Variants in DSCAML1 observed in about 807,000 individuals in gnomAD.
DSCAML1 encodes the protein DS cell adhesion molecule like 1, also known as cell adhesion molecule DSCAML1.
Under a neutral mutation model 200.5 loss-of-function variants are expected in DSCAML1, and 38 were observed. The observed-to-expected ratio is 0.19, with a 90% CI of 0.15 to 0.25. The LOEUF is 0.25. DSCAML1 is among the 10% of genes least tolerant of loss of function. The probability of loss-of-function intolerance (pLI) is 1.00; values close to 1 mark genes in which losing one functional copy is unlikely to be tolerated. For missense variants in DSCAML1, 2,223 were observed against 2,858.8 expected (o/e 0.78, Z 5.07); for synonymous variants, 1,215 against 1,165.0 (o/e 1.04, Z -0.87).
At chr11:117,471,394 A>G (rs2048682638) in intron 15 of DSCAML1, among the ~76,000 whole-genome samples, 1 of 151,728 alleles carries the variant, frequency 6.6e-6, no homozygotes, top group Non-Finnish European at 1.5e-5. Context: ...CTGGTCTCGT[A>G]CTCCTGACCT....
chr11:117,780,710 G>A lies in DSCAML1; in HGVS notation c.147C>T (p.Ala49=), dbSNP rs1237768281. The A allele has an allele frequency of 2.5e-6, 4 of 1,579,532 alleles. No homozygotes were observed. Among genetic ancestry groups the A allele is most frequent in the Non-Finnish European group, 3.4e-6 (4 of 1,161,760 alleles). Residue 49 remains alanine (A), a synonymous_variant, in exon 2 of 33, where the codon GCC becomes GCT. Transcript: ENST00000651296. This position sits in a 1 kb window ranked among gnomAD's most constrained non-coding sequence, Gnocchi z 4.8. ...SSVGVVVPCP[A]AGSPSAALRW... is the part of the protein sequence containing the mutation. The stretch of plus-strand genomic sequence containing the variant: ...GAAGGGCCGCGCTGGGGGAGCCCGC[G>A]GCCGGGCAGGGCACCACCACCCCCA...
Position 117,428,177 on chromosome 11 carries a change from A to G in DSCAML1, c.*151T>C, listed in dbSNP as rs2047697480. 1 of 597,062 alleles carries G rather than the reference A, an allele frequency of 1.7e-6. No individual in the cohort carries two copies. The highest frequency in any genetic ancestry group is 3.0e-6 in the Non-Finnish European group (1 of 332,774). The allele number at this position is 597,062 out of a possible 1,614,324, so 37.0% of individuals were successfully genotyped here. On this transcript the variant is annotated 3_prime_UTR_variant, in exon 33 of 33. Transcript: ENST00000651296. Reference sequence around the variant, plus strand: ...AGTTTCATTTGTACAAAAGAGTTCTATGTACAGGCGTTCATGATTGGGGGT... The same window carrying G: ...AGTTTCATTTGTACAAAAGAGTTCTGTGTACAGGCGTTCATGATTGGGGGT...
intron 1 of DSCAML1, among the ~76,000 whole-genome samples, chr11:117,816,577 A>G (rs1343973214): frequency 1.3e-5 from 2 of 152,300 alleles, no homozygotes; most frequent in East Asian, 1.9e-4. Context: ...CCTGCCGAGC[A>G]GAGCGGAGGG....
At chr11:117,618,331 A>G (rs1012012439) in intron 3 of DSCAML1, among the ~76,000 whole-genome samples, 1 of 152,248 alleles carries the variant, frequency 6.6e-6, no homozygotes, top group Non-Finnish European at 1.5e-5. Context: ...AGCTTTAATT[A>G]TAAGAAAAGT....
At chr11:117,587,258 C>CCCA (rs200353768) in intron 3 of DSCAML1, among the ~76,000 whole-genome samples, 1 of 147,686 alleles carries the variant, frequency 6.8e-6, no homozygotes, top group Non-Finnish European at 1.5e-5. Flanking sequence ...TTCCAACCCC[C>CCCA]CCCCACGATT....
chr11:117,805,961 C>G (rs2055704421), intron 1 of DSCAML1, among the ~76,000 whole-genome samples: 1 of 152,218 alleles, frequency 6.6e-6, no homozygotes, highest in Non-Finnish European at 1.5e-5. Flanking sequence ...TCCCAGGTCA[C>G]ATGGCAGAGT....
At chr11:117,676,530 AG>A (rs1182645196) in intron 3 of DSCAML1, among the ~76,000 whole-genome samples, 4 of 152,184 alleles carry the variant, frequency 2.6e-5, no homozygotes, top group African/African-American at 9.7e-5. Flanking sequence ...CAAAGGGTCC[AG>A]GGGGGTTCCA....
At chr11:117,478,865 C>A (rs948824474) in intron 14 of DSCAML1, among the ~76,000 whole-genome samples, 1 of 152,204 alleles carries the variant, frequency 6.6e-6, no homozygotes, top group Non-Finnish European at 1.5e-5. Flanking sequence ...TGGACAACCC[C>A]TGTTGGCTGA....
chr11:117,429,967 G>A (rs2047751916), intron 32 of DSCAML1, among the ~76,000 whole-genome samples: 1 of 152,234 alleles, frequency 6.6e-6, no homozygotes, highest in African/African-American at 2.4e-5. Flanking sequence ...AGTCTCCACA[G>A]TCTTTCCATT....
intron 1 of DSCAML1, among the ~76,000 whole-genome samples, chr11:117,796,433 GT>G (rs1382787638): frequency 6.6e-6 from 1 of 152,262 alleles, no homozygotes; most frequent in Non-Finnish European, 1.5e-5. Flanking sequence ...TGACCTCTGG[GT>G]TTGGAGAACA....
intron 3 of DSCAML1, among the ~76,000 whole-genome samples, chr11:117,720,128 A>G (rs1195166905): frequency 6.6e-6 from 1 of 152,060 alleles, no homozygotes; most frequent in Non-Finnish European, 1.5e-5. Flanking sequence ...CCGAGTCAGC[A>G]CTGGCATGCC....
At chr11:117,586,816 T>G (rs1400928143) in intron 3 of DSCAML1, among the ~76,000 whole-genome samples, 1 of 152,208 alleles carries the variant, frequency 6.6e-6, no homozygotes, top group African/African-American at 2.4e-5. Context: ...GAAGAACCAC[T>G]TCTCTCCCAG....
At chr11:117,629,385 C>T (rs1382370902) in intron 3 of DSCAML1, among the ~76,000 whole-genome samples, 5 of 152,210 alleles carry the variant, frequency 3.3e-5, no homozygotes, top group East Asian at 1.9e-4. Context: ...TGGGAGGCCA[C>T]GGAAGCTGAT....
rs1239548443 is a variant in DSCAML1, at chr11:117,437,156, T to C, written c.4686A>G (p.Glu1562=). The change falls in exon 26 of 33, where the codon GAA becomes GAG. Residue 1562 remains glutamate, a synonymous_variant. Transcript: ENST00000651296. This position sits in a 1 kb window ranked among gnomAD's most constrained non-coding sequence, Gnocchi z 5.3. ...AGTCCAGGGTGGCGAACTGGGCTGT[T>C]TCATTGCCGCAGCCCGCACTGTTGC... The part of the protein sequence containing the change: ...RACNSAGCGN[E]TAQFATLDYD... The C allele has an allele frequency of 1.9e-6, 3 of 1,614,080 alleles. No individual in the cohort carries two copies. Among genetic ancestry groups the C allele is most frequent in the Non-Finnish European group, 2.5e-6 (3 of 1,179,972 alleles).
chr11:117,529,219 A>G (rs977649377), intron 4 of DSCAML1, among the ~76,000 whole-genome samples: 5 of 152,022 alleles, frequency 3.3e-5, no homozygotes, highest in African/African-American at 9.7e-5. Flanking sequence ...CTGGGATTAC[A>G]GGTATGTGCC....
At chr11:117,475,800 T>TTC (rs1415202140) in intron 14 of DSCAML1, among the ~76,000 whole-genome samples, 3 of 152,120 alleles carry the variant, frequency 2.0e-5, no homozygotes, top group Non-Finnish European at 4.4e-5. Flanking sequence ...CTTTTTTTCT[T>TTC]CTGCGTTTGC....
At chr11:117,617,188 G>A (rs1055697420) in intron 3 of DSCAML1, among the ~76,000 whole-genome samples, 3 of 152,144 alleles carry the variant, frequency 2.0e-5, no homozygotes, top group Admixed American at 2.0e-4. Flanking sequence ...GTAAGGGGTT[G>A]GGGAGCTGGT....
intron 14 of DSCAML1, among the ~76,000 whole-genome samples, chr11:117,472,521 T>A (rs2048706344): frequency 6.6e-6 from 1 of 152,100 alleles, no homozygotes. Context: ...TGTGCACTTG[T>A]GAGGTGATGA....
intron 3 of DSCAML1, among the ~76,000 whole-genome samples, chr11:117,684,461 GAA>G (rs755077825): frequency 9.5e-6 from 1 of 105,482 alleles, no homozygotes; most frequent in African/African-American, 3.4e-5. Flanking sequence ...AAAAAAAAAA[GAA>G]AAAAAGAGGA....
Sources: gnomAD v4.1 joint callset for allele counts (sites outside exome capture counted in the v4.1 genomes callset) on GRCh38, gnomAD v4.1.1 for gene constraint, Gnocchi (gnomAD v3.1) non-coding constraint, MANE v1.5 for transcripts, NCBI Gene and HGNC (gene_info 2026-07-23, HGNC 2026-07-21) for gene names.